The following CEP164 variants were observed in gnomAD, a reference collection of about 807,000 sequenced individuals.
CEP164 encodes the protein centrosomal protein 164, also known as centrosomal protein of 164 kDa.
A neutral mutation model predicts 182.7 loss-of-function variants in CEP164; 162 were observed. That is an observed-to-expected ratio of 0.89 (90% CI 0.78 to 1.01). CEP164 has a LOEUF of 1.01. Ranked by LOEUF, CEP164 falls within the 50% of genes least tolerant of loss-of-function variation. The pLI is 0.00. For synonymous variants in CEP164, 661 were observed against 690.0 expected (o/e 0.96, Z 0.66); for missense variants, 1,735 against 1,790.4 (o/e 0.97, Z 0.56).
At chr11:117,382,497 G>A (rs575128929) in intron 13 of CEP164, among the ~76,000 whole-genome samples, 29 of 152,302 alleles carry the variant, frequency 1.9e-4, no homozygotes, top group African/African-American at 7.0e-4. Flanking sequence ...TGAGTCACTA[G>A]GGAACCTGAG....
chr11:117,363,444 A>T lies in CEP164; in HGVS notation c.703A>T (p.Ser235Cys). The T allele has an allele frequency of 6.2e-7, 1 of 1,613,930 alleles. No homozygotes were observed. The highest frequency in any genetic ancestry group is 8.5e-7 in the Non-Finnish European group (1 of 1,179,794). ...TTGTTTCTAGAGTGTCCACAGCTCAAGTGAGCCTCTTAGGAACCTACACCT... is the reference window on the plus strand; with the variant it reads ...TTGTTTCTAGAGTGTCCACAGCTCATGTGAGCCTCTTAGGAACCTACACCT... ...ESDNQSVHSSSEPLRNLHLDI... is the reference protein window; with the variant it reads ...ESDNQSVHSSCEPLRNLHLDI... The change falls in exon 8 of 33, where the codon AGT becomes TGT. Residue 235 changes from serine (S) to cysteine (C), a missense_variant. Transcript: ENST00000278935.
At position 117,361,893 on chromosome 11, in the gene CEP164, G is replaced by A. The variant is rs564746056; in HGVS notation, c.452G>A (p.Arg151Gln). 6.9e-5 allele frequency: 111 copies of A among 1,614,126 alleles called. No homozygotes were observed. In the East Asian group the frequency reaches 2.3e-3, roughly 33 times the overall value. The change falls in exon 6 of 33, where the codon CGA becomes CAA. Residue 151 changes from arginine to glutamine, a missense_variant. Arg to Gln is a conservative substitution (Grantham distance 43). Coordinates refer to ENST00000278935, the MANE Select transcript of CEP164 (RefSeq NM_014956.5). ...HVPLGGLAPL[R>Q]GLVDTPPSAL... Reference sequence around the variant, plus strand: ...CCTCTTGGGGGCCTGGCTCCTTTACGAGGTCTTGTGGATACCCCACCCTCT... The same window carrying A: ...CCTCTTGGGGGCCTGGCTCCTTTACAAGGTCTTGTGGATACCCCACCCTCT...
chr11:117,410,008 TC>T lies in CEP164; in HGVS notation c.4096+45del, dbSNP rs5795079. On this transcript the variant is annotated intron_variant, in intron 30 of 32. Transcript: ENST00000278935. ...CGGAGCCTTCCCACCTGCCTCCTCC[TC>T]CTCCTCTTCCTTCCTTTTCTTCTAC... The T allele has an allele frequency of 0.16, 246,701 of 1,530,954 alleles. 21,748 individuals are homozygous for T. Among genetic ancestry groups the T allele is most frequent in the East Asian group, 0.34 (15,078 of 44,454 alleles). 94.8% of individuals were successfully genotyped at this position (1,530,954 alleles called of 1,614,324 possible). A position where few individuals can be genotyped will look rare whatever the true frequency, so the allele number is the denominator to read the frequency against.
At chr11:117,354,725 GTTTTTTAA>G (rs1041395195) in intron 5 of CEP164, among the ~76,000 whole-genome samples, 1 of 149,706 alleles carries the variant, frequency 6.7e-6, no homozygotes, top group African/African-American at 2.5e-5. Context: ...TCATTTTTTA[GTTTTTTAA>G]TTTTTTAAAT....
At position 117,392,262 on chromosome 11, in the gene CEP164, C is replaced by T. The variant is rs1483628364; in HGVS notation, c.2320C>T (p.Leu774=). 1.2e-6 allele frequency: 2 copies of T among 1,611,950 alleles called. No individual in the cohort carries two copies. Among genetic ancestry groups the T allele is most frequent in the East Asian group, 4.5e-5 (2 of 44,868 alleles). The part of the protein sequence containing the change: ...ATLEKEHSAE[L]ERLCSSLEAK... ...GCTGGAGAAGGAGCACAGTGCTGAG[C>T]TGGAGCGGCTCTGCTCCTCATTGGA... Residue 774 remains leucine, a synonymous_variant, in exon 18 of 33, where the codon CTG becomes TTG. Transcript: ENST00000278935.
In CEP164 at chr11:117,363,447, G is replaced by A. The variant is rs749146317; in HGVS notation, c.706G>A (p.Glu236Lys). The change falls in exon 8 of 33, where the codon GAG becomes AAG. Residue 236 changes from glutamate (E) to lysine (K), a missense_variant. Physicochemically the swap from Glu to Lys is moderately conservative, Grantham distance 56. Transcript: ENST00000278935. ...SDNQSVHSSS[E>K]PLRNLHLDIG... is the part of the protein sequence containing the mutation. ...TTTCTAGAGTGTCCACAGCTCAAGTGAGCCTCTTAGGAACCTACACCTGGA... is the reference window on the plus strand; with the variant it reads ...TTTCTAGAGTGTCCACAGCTCAAGTAAGCCTCTTAGGAACCTACACCTGGA... The A allele has an allele frequency of 1.2e-6, 2 of 1,613,954 alleles. No homozygotes were observed. The highest frequency in any genetic ancestry group is 1.7e-6 in the Non-Finnish European group (2 of 1,179,844).
chr11:117,340,542 A>G (rs1005828733), intron 3 of CEP164, among the ~76,000 whole-genome samples: 14 of 151,532 alleles, frequency 9.2e-5, no homozygotes, highest in Non-Finnish European at 1.6e-4. Flanking sequence ...TGTTTTCCAT[A>G]TTTTTGTTTT....
In CEP164 at chr11:117,382,834, G is replaced by T; in HGVS notation, c.1616G>T (p.Gly539Val). ...AGCCCACCTGCTGCCTGTGAGAAGG[G>T]CAAGGAGCAGCATTCCCAGGCCGAG... ...APSPPAACEK[G>V]KEQHSQAEEL... The change falls in exon 14 of 33, where the codon GGC becomes GTC. Residue 539 changes from glycine to valine, a missense_variant. Coordinates refer to ENST00000278935, the MANE Select transcript of CEP164 (RefSeq NM_014956.5). The T allele has an allele frequency of 6.2e-7, 1 of 1,614,132 alleles. No homozygotes were observed. Among genetic ancestry groups the T allele is most frequent in the South Asian group, 1.1e-5 (1 of 91,074 alleles).
chr11:117,362,798 A>G (rs2135710076), intron 7 of CEP164, among the ~76,000 whole-genome samples: 1 of 152,214 alleles, frequency 6.6e-6, no homozygotes, highest in Non-Finnish European at 1.5e-5. Context: ...GAAACTGTGT[A>G]CCTATTGAAT....
intron 19 of CEP164, 103 bp from the exon 20 acceptor site, chr11:117,392,901 G>C (rs550074861): frequency 1.3e-6 from 2 of 1,534,556 alleles, no homozygotes; most frequent in Non-Finnish European, 1.8e-6. Context: ...TGTGTGTGTT[G>C]GGGGAGATTG....
At chr11:117,378,113 C>G (rs1175438712) in intron 11 of CEP164, among the ~76,000 whole-genome samples, 3 of 152,086 alleles carry the variant, frequency 2.0e-5, no homozygotes, top group Non-Finnish European at 4.4e-5. Context: ...AGGTGATCTG[C>G]CCGCCTTGGC....
intron 3 of CEP164, among the ~76,000 whole-genome samples, chr11:117,341,485 T>C (rs1002055213): frequency 6.6e-6 from 1 of 151,746 alleles, no homozygotes; most frequent in Non-Finnish European, 1.5e-5. Flanking sequence ...ACTCTGTCAC[T>C]CAGACTGGAG....
At chr11:117,392,870 G>A (rs1156564046) in intron 19 of CEP164, 134 bp from the exon 20 acceptor site, 1 of 1,388,700 alleles carries the variant, frequency 7.2e-7, no homozygotes, top group East Asian at 2.3e-5. Flanking sequence ...ATGGTGTCAT[G>A]GCTGTGTGAT....
chr11:117,375,613 T>G, intron 10 of CEP164, 95 bp from the exon 11 acceptor site: 1 of 942,504 alleles, frequency 1.1e-6, no homozygotes, highest in Non-Finnish European at 1.7e-6. Flanking sequence ...ATAATAGACA[T>G]CTTTCTGGAA....
rs1254158236 is a variant in CEP164 at position 117,392,419 on chromosome 11, C to CA, written c.2362-76dup. The CA allele has an allele frequency of 1.9e-6, 3 of 1,573,518 alleles. No homozygotes were observed. In the African/African-American group the frequency reaches 4.0e-5, roughly 21 times the overall value. On this transcript the variant is annotated intron_variant, in intron 18 of 32. Transcript: ENST00000278935. ...CCCTGGGGGATGGATGCCAGGTCCT[C>CA]AGAACACATCCCCACACAGCAGCTG...
rs929035130 is a variant in CEP164, at chr11:117,396,615, AGTTC to A, written c.3278+5_3278+8del. On this transcript the variant is annotated splice_donor_5th_base_variant and intron_variant, in intron 26 of 32. Transcript: ENST00000278935. ...AGGAGGACTTATACTTGGACAGGTG[AGTTC>A]CCATAGCCTGTCTTATTTGAGGTTA... 4.3e-6 allele frequency: 7 copies of A among 1,610,176 alleles called. No homozygotes were observed. The Admixed American group carries it at 1.0e-4, about 23-fold the overall frequency.
At position 117,394,854 on chromosome 11, in the gene CEP164, C is replaced by A. The variant is rs750191445; in HGVS notation, c.2761-66C>A. 6.7e-4 allele frequency: 1,007 copies of A among 1,502,754 alleles called. 1 individual carries two copies. Among genetic ancestry groups the A allele is most frequent in the Non-Finnish European group, 8.3e-4 (899 of 1,083,846 alleles). 93.1% of individuals were successfully genotyped at this position (1,502,754 alleles called of 1,614,324 possible). On this transcript the variant is annotated intron_variant, in intron 21 of 32. Transcript: ENST00000278935. The surrounding 1 kb of genome is among the most constrained non-coding windows in gnomAD (Gnocchi z 4.0). Reference sequence around the variant, plus strand: ...GGTGTGGCATGGTGGGTTCTGGAACCCCCTCCTGCCCCTCAGCTAATGCCT... The same window carrying A: ...GGTGTGGCATGGTGGGTTCTGGAACACCCTCCTGCCCCTCAGCTAATGCCT...
rs754018034 is a variant in CEP164, at chr11:117,343,754, C to T, written c.83-412C>T. On this transcript the variant is annotated intron_variant, in intron 3 of 32. Coordinates refer to ENST00000278935, the MANE Select transcript of CEP164 (RefSeq NM_014956.5). ...CAAGCAGTTCTCCTGCCTCAGCCTC[C>T]CGAGTAGCTGGGATTACAGATGTGC... 2.0e-5 allele frequency among the ~76,000 whole-genome samples: 3 copies of T among 151,868 alleles called. No individual in the cohort carries two copies. The South Asian group carries it at 6.2e-4, about 32-fold the overall frequency.
intron 17 of CEP164, 100 bp from the exon 18 acceptor site, chr11:117,392,126 T>G: frequency 9.8e-7 from 1 of 1,017,142 alleles, no homozygotes; most frequent in Non-Finnish European, 1.4e-6. Context: ...CCCTTGACCC[T>G]GATCTCGAGG....
Sources: allele counts gnomAD v4.1 joint callset (sites outside exome capture counted in the v4.1 genomes callset), GRCh38; gene constraint gnomAD v4.1.1; non-coding constraint Gnocchi (gnomAD v3.1); transcripts MANE v1.5; gene names NCBI Gene and HGNC (gene_info 2026-07-23, HGNC 2026-07-21).